Variants in CRYL1 observed in about 807,000 individuals in gnomAD.
CRYL1 encodes lambda-crystallin homolog.
CRYL1 carries 29 observed loss-of-function variants against 36.6 expected under a neutral mutation model. The observed-to-expected ratio is 0.79, with a 90% CI of 0.59 to 1.08. CRYL1 has a LOEUF of 1.08. Among genes scored for constraint, CRYL1 ranks in the 50% least tolerant of loss-of-function variants. The pLI is 0.00. For missense variants in CRYL1, 411 were observed against 407.9 expected (o/e 1.01, Z -0.06); for synonymous variants, 152 against 151.5 (o/e 1.00, Z -0.02).
intron 3 of CRYL1, among the ~76,000 whole-genome samples, chr13:20,445,357 GC>G (rs1234018108): frequency 1.3e-5 from 2 of 152,132 alleles, no homozygotes; most frequent in Non-Finnish European, 2.9e-5. Context: ...CCTGGTAACT[GC>G]CCCAGGCTTC....
At chr13:20,408,576 G>T (rs114174376) in intron 6 of CRYL1, among the ~76,000 whole-genome samples, 1 of 152,172 alleles carries the variant, frequency 6.6e-6, no homozygotes, top group Admixed American at 6.5e-5. Flanking sequence ...CCTGGTTCCA[G>T]AGGCTTCTCC....
chr13:20,416,918 C>T (rs2137371223), intron 5 of CRYL1, among the ~76,000 whole-genome samples: 1 of 152,268 alleles, frequency 6.6e-6, no homozygotes, highest in Non-Finnish European at 1.5e-5. Flanking sequence ...TAGAGGAGGG[C>T]TGTGGGTCTT....
chr13:20,457,808 G>A (rs138710347), intron 3 of CRYL1, among the ~76,000 whole-genome samples: 29 of 152,264 alleles, frequency 1.9e-4, no homozygotes, highest in Admixed American at 4.6e-4. Flanking sequence ...ACATGGGCTC[G>A]TTTAACTTTC....
In CRYL1 at chr13:20,512,557, G is replaced by A; in HGVS notation, c.42-7C>T. On this transcript the variant is annotated splice_polypyrimidine_tract_variant and splice_region_variant and intron_variant, in intron 1 of 7. Coordinates refer to ENST00000298248, the MANE Select transcript of CRYL1 (RefSeq NM_015974.3). ...GCTTCGCCCAATGACTCCACTGAAG[G>A]GAGATAAAAGAAAGGATTCGAGTTA... 1 of 1,599,994 alleles carries A rather than the reference G, an allele frequency of 6.3e-7. No individual in the cohort carries two copies. Among genetic ancestry groups the A allele is most frequent in the Non-Finnish European group, 8.6e-7 (1 of 1,169,112 alleles).
intron 1 of CRYL1, among the ~76,000 whole-genome samples, chr13:20,517,375 A>T (rs1306296485): frequency 6.6e-6 from 1 of 151,936 alleles, no homozygotes; most frequent in Admixed American, 6.6e-5. Flanking sequence ...CAGGTGGATC[A>T]TCTGAGGTCA....
At chr13:20,517,245 G>A (rs749221218) in intron 1 of CRYL1, among the ~76,000 whole-genome samples, 14 of 152,176 alleles carry the variant, frequency 9.2e-5, no homozygotes, top group Admixed American at 4.6e-4. Context: ...AGTACAGGCC[G>A]AGTGGGCCTT....
chr13:20,439,492 A>C, intron 4 of CRYL1, 101 bp downstream of exon 4: 2 of 988,836 alleles, frequency 2.0e-6, no homozygotes, highest in Non-Finnish European at 1.5e-6. Flanking sequence ...ATTACTCACA[A>C]GTTATTGACC....
chr13:20,420,951 T>C (rs1343183172), intron 5 of CRYL1, among the ~76,000 whole-genome samples: 2 of 152,124 alleles, frequency 1.3e-5, no homozygotes, highest in Non-Finnish European at 2.9e-5. Context: ...GCCAGGATGG[T>C]CTCGATCTCC....
chr13:20,440,043 G>A, intron 3 of CRYL1: 1 of 287,780 alleles, frequency 3.5e-6, no homozygotes, highest in Non-Finnish European at 6.6e-6. Flanking sequence ...CCTACACCCA[G>A]AGAAAAACAA....
chr13:20,408,124 C>T (rs558766603), intron 6 of CRYL1, among the ~76,000 whole-genome samples: 5 of 152,146 alleles, frequency 3.3e-5, no homozygotes, highest in East Asian at 1.9e-4. Flanking sequence ...AAGCACAGAG[C>T]GACATTATCT....
chr13:20,519,552 C>T (rs111960750), intron 1 of CRYL1, among the ~76,000 whole-genome samples: 4 of 137,182 alleles, frequency 2.9e-5, no homozygotes, highest in African/African-American at 7.6e-5. Context: ...GGCTTGCACC[C>T]AGGAGTTCAA....
intron 2 of CRYL1, 69 bp from the exon 3 acceptor site, chr13:20,489,565 A>G: frequency 6.4e-7 from 1 of 1,561,382 alleles, no homozygotes; most frequent in South Asian, 1.1e-5. Flanking sequence ...AAAGCCCAAC[A>G]TCAGGAATCA....
chr13:20,408,946 T>C (rs2031450289), intron 6 of CRYL1, among the ~76,000 whole-genome samples: 1 of 152,150 alleles, frequency 6.6e-6, no homozygotes, highest in Non-Finnish European at 1.5e-5. Flanking sequence ...ACAGATTCAA[T>C]GCCATCCCCA....
intron 6 of CRYL1, among the ~76,000 whole-genome samples, chr13:20,412,832 C>A (rs1399696299): frequency 6.6e-6 from 1 of 152,222 alleles, no homozygotes; most frequent in Non-Finnish European, 1.5e-5. Context: ...TCACTATAGG[C>A]TCCCTAGCCT....
chr13:20,410,821 T>C (rs1368784603), intron 6 of CRYL1, among the ~76,000 whole-genome samples: 1 of 152,166 alleles, frequency 6.6e-6, no homozygotes, highest in Admixed American at 6.5e-5. Flanking sequence ...GAAACTGAGA[T>C]GCAGTGAACT....
rs557695552 is a variant in CRYL1 at position 20,458,982 on chromosome 13, T to C, written c.277-19228A>G. On this transcript the variant is annotated intron_variant, in intron 3 of 7. Coordinates refer to ENST00000298248, the MANE Select transcript of CRYL1 (RefSeq NM_015974.3). ...ATTAATTCAGCCACCACGCCTGTAA[T>C]CCCAGCACTTTGGGAGGCCGAGGCG... Among the ~76,000 whole-genome samples, 59 of 152,358 alleles carry C rather than the reference T, an allele frequency of 3.9e-4. No homozygotes were observed. In the East Asian group the frequency reaches 7.3e-3, roughly 19 times the overall value.
At chr13:20,419,012 A>T (rs1200276707) in intron 5 of CRYL1, 1 of 152,262 alleles carries the variant, frequency 6.6e-6, no homozygotes, top group African/African-American at 2.4e-5. Flanking sequence ...TGAAGAAAGC[A>T]CTGGGCTTGT....
intron 3 of CRYL1, among the ~76,000 whole-genome samples, chr13:20,454,117 G>A (rs1445245794): frequency 6.6e-6 from 1 of 151,990 alleles, no homozygotes. Flanking sequence ...AAATAAAGAA[G>A]AAACATTTCC....
rs1431380678 is a variant in CRYL1 at position 20,435,713 on chromosome 13, G to T, written c.439-3417C>A. Among the ~76,000 whole-genome samples, 2 of 152,208 alleles carry T rather than the reference G, an allele frequency of 1.3e-5. No individual in the cohort carries two copies. The highest frequency in any genetic ancestry group is 4.1e-4 in the South Asian group (2 of 4,834). ...GCGCAGCGCAGGGGCCTGGGCCTGC[G>T]CAGGCCGGCGGAGCACAAGGGACGC... is the stretch of plus-strand genomic sequence containing the variant. On this transcript the variant is annotated intron_variant, in intron 4 of 7. Transcript: ENST00000298248. The surrounding 1 kb of genome is among the most constrained non-coding windows in gnomAD (Gnocchi z 4.0).
Sources: allele counts gnomAD v4.1 joint callset (sites outside exome capture counted in the v4.1 genomes callset), GRCh38; gene constraint gnomAD v4.1.1; non-coding constraint Gnocchi (gnomAD v3.1); transcripts MANE v1.5; gene names NCBI Gene and HGNC (gene_info 2026-07-23, HGNC 2026-07-21).